MGAT4C: variants seen among roughly 807,000 people sequenced by gnomAD.
MGAT4C encodes alpha-1,3-mannosyl-glycoprotein 4-beta-N-acetylglucosaminyltransferase C.
MGAT4C carries 19 observed loss-of-function variants against 40.1 expected under a neutral mutation model. That is an observed-to-expected ratio of 0.47 (90% CI 0.33 to 0.70). MGAT4C has a LOEUF of 0.70. Among genes scored for constraint, MGAT4C ranks in the 30% least tolerant of loss-of-function variants. The pLI, the probability that MGAT4C is intolerant of heterozygous loss-of-function variation, is 0.02. For missense variants in MGAT4C, 491 were observed against 563.2 expected (o/e 0.87, Z 1.30); for synonymous variants, 181 against 187.1 (o/e 0.97, Z 0.27).
chr12:86,810,490 A>T (rs2136215206), intron 1 of MGAT4C, among the ~76,000 whole-genome samples: 1 of 152,004 alleles, frequency 6.6e-6, no homozygotes, highest in South Asian at 2.1e-4. Flanking sequence ...TTATTTTTCA[A>T]GTTGAGGTAA....
chr12:86,463,157 G>A (rs1957627610), intron 2 of MGAT4C, among the ~76,000 whole-genome samples: 1 of 152,052 alleles, frequency 6.6e-6, no homozygotes, highest in African/African-American at 2.4e-5. Context: ...ATGGATAGCT[G>A]AGAATAAATT....
chr12:86,217,241 C>A (rs1950707195), intron 1 of MGAT4C, among the ~76,000 whole-genome samples: 2 of 152,156 alleles, frequency 1.3e-5, no homozygotes, highest in Non-Finnish European at 2.9e-5. Context: ...GTGGCACAAT[C>A]TCAGCTCACT....
intron 1 of MGAT4C, among the ~76,000 whole-genome samples, chr12:86,075,126 G>A (rs536508895): frequency 6.9e-4 from 105 of 152,258 alleles, no homozygotes; most frequent in Middle Eastern, 6.8e-3. Context: ...TTCCACCTAT[G>A]AGCCTGTAAT....
At chr12:86,816,472 C>G (rs1216343877) in intron 1 of MGAT4C, among the ~76,000 whole-genome samples, 4 of 151,466 alleles carry the variant, frequency 2.6e-5, no homozygotes, top group Non-Finnish European at 5.9e-5. Flanking sequence ...AATTTTTAAT[C>G]TTTGAAAATG....
intron 4 of MGAT4C, among the ~76,000 whole-genome samples, chr12:86,306,756 G>A (rs1953942556): frequency 6.6e-6 from 1 of 150,392 alleles, no homozygotes; most frequent in African/African-American, 2.5e-5. Flanking sequence ...ACATGCTAAG[G>A]TATGTAGGGG....
At chr12:86,692,626 C>G (rs1423925073) in intron 2 of MGAT4C, among the ~76,000 whole-genome samples, 1 of 152,026 alleles carries the variant, frequency 6.6e-6, no homozygotes, top group African/African-American at 2.4e-5. Context: ...TGAAGAAGAA[C>G]AAAATGAGAT....
At chr12:86,509,799 A>C (rs1004711522) in intron 2 of MGAT4C, among the ~76,000 whole-genome samples, 2 of 152,076 alleles carry the variant, frequency 1.3e-5, no homozygotes, top group Non-Finnish European at 2.9e-5. Context: ...TTGGATTCCT[A>C]GGTATTTTAT....
At chr12:86,015,105 G>A (rs1178899052) in intron 2 of MGAT4C, among the ~76,000 whole-genome samples, 2 of 150,834 alleles carry the variant, frequency 1.3e-5, no homozygotes, top group Non-Finnish European at 3.0e-5. Context: ...CACCACACCC[G>A]GCCTCTGTGT....
Position 86,015,255 on chromosome 12 carries a change from G to A in MGAT4C, c.-6-25703C>T, listed in dbSNP as rs543170383. Among the ~76,000 whole-genome samples, 16 of 150,960 alleles carry A rather than the reference G, an allele frequency of 1.1e-4. No individual in the cohort carries two copies. The South Asian group carries it at 3.4e-3, about 32-fold the overall frequency. Reference sequence around the variant, plus strand: ...TTTCCGCAATTACTTTTGCACCAATGTGTGTGTGTTTTCCGCTAGGAAATG... The same window carrying A: ...TTTCCGCAATTACTTTTGCACCAATATGTGTGTGTTTTCCGCTAGGAAATG... On this transcript the variant is annotated intron_variant, in intron 2 of 4. Coordinates refer to ENST00000611864, the MANE Select transcript of MGAT4C (RefSeq NM_001351288.2).
chr12:86,120,763 G>A (rs1879249061), intron 1 of MGAT4C, among the ~76,000 whole-genome samples: 1 of 152,090 alleles, frequency 6.6e-6, no homozygotes, highest in Non-Finnish European at 1.5e-5. Flanking sequence ...AAAGACCAAA[G>A]GTAGATAAAA....
At chr12:86,281,916 TTCA>T (rs1202785685) in intron 4 of MGAT4C, among the ~76,000 whole-genome samples, 1 of 152,164 alleles carries the variant, frequency 6.6e-6, no homozygotes, top group African/African-American at 2.4e-5. Flanking sequence ...CTTTAGTGAC[TTCA>T]TTTTATTGTT....
Position 86,192,169 on chromosome 12 carries a change from C to T in MGAT4C, c.-57+64070G>A, listed in dbSNP as rs111267426. On this transcript the variant is annotated intron_variant, in intron 1 of 4. Coordinates refer to ENST00000611864, the MANE Select transcript of MGAT4C (RefSeq NM_001351288.2). ...ATGACAAGTTAATGGGTGCAGCACACCAACATGGCACATGTATACATATGT... is the reference window on the plus strand; with the variant it reads ...ATGACAAGTTAATGGGTGCAGCACATCAACATGGCACATGTATACATATGT... Among the ~76,000 whole-genome samples, 500 of 151,440 alleles carry T rather than the reference C, an allele frequency of 3.3e-3. 2 individuals carry two copies. The highest frequency in any genetic ancestry group is 0.012 in the African/African-American group (488 of 41,346).
At chr12:86,723,246 T>C (rs1950766262) in intron 2 of MGAT4C, among the ~76,000 whole-genome samples, 1 of 152,182 alleles carries the variant, frequency 6.6e-6, no homozygotes, top group Non-Finnish European at 1.5e-5. Flanking sequence ...ATAAATTCCC[T>C]AAGCCACTGT....
chr12:86,705,802 T>A (rs1015055320), intron 2 of MGAT4C, among the ~76,000 whole-genome samples: 15 of 152,150 alleles, frequency 9.9e-5, no homozygotes, highest in Admixed American at 9.8e-4. Context: ...CGGGAGTTTT[T>A]AAGATCATAC....
intron 2 of MGAT4C, among the ~76,000 whole-genome samples, chr12:86,503,776 A>ATATATATATAT (rs368549139): frequency 1.0e-3 from 21 of 20,640 alleles, no homozygotes; most frequent in South Asian, 3.0e-3. Flanking sequence ...ATATATATAT[A>ATATATATATAT]GAGTTCTGCT....
At chr12:86,161,429 G>T (rs1885576425) in intron 1 of MGAT4C, among the ~76,000 whole-genome samples, 1 of 152,130 alleles carries the variant, frequency 6.6e-6, no homozygotes. Flanking sequence ...TGCAATAAAT[G>T]GTGCTGGGAT....
At position 86,218,645 on chromosome 12, in the gene MGAT4C, A is replaced by G. The variant is rs58591163; in HGVS notation, c.-57+37594T>C. Among the ~76,000 whole-genome samples, 498 of 152,214 alleles carry G rather than the reference A, an allele frequency of 3.3e-3. 2 individuals carry two copies. Among genetic ancestry groups the G allele is most frequent in the African/African-American group, 0.012 (485 of 41,530 alleles). On this transcript the variant is annotated intron_variant, in intron 1 of 4. Coordinates refer to ENST00000611864, the MANE Select transcript of MGAT4C (RefSeq NM_001351288.2). ...ATTTAACTGAGTAAGAATTCCCAGA[A>G]CTCTAATAAAACAACTGAATGTTTT... is the stretch of plus-strand genomic sequence containing the variant.
At chr12:86,164,031 ATAGT>A (rs1431731722) in intron 1 of MGAT4C, among the ~76,000 whole-genome samples, 5 of 152,224 alleles carry the variant, frequency 3.3e-5, no homozygotes, top group African/African-American at 4.8e-5. Context: ...GTTTTAAATG[ATAGT>A]TAGAATTAAA....
At chr12:86,210,592 A>C (rs1432842060) in intron 1 of MGAT4C, among the ~76,000 whole-genome samples, 1 of 152,218 alleles carries the variant, frequency 6.6e-6, no homozygotes, top group African/African-American at 2.4e-5. Context: ...GTTATCTAGA[A>C]GCACTTATGA....
Sources: gnomAD v4.1 joint callset for allele counts (sites outside exome capture counted in the v4.1 genomes callset) on GRCh38, gnomAD v4.1.1 for gene constraint, MANE v1.5 for transcripts, NCBI Gene and HGNC (gene_info 2026-07-23, HGNC 2026-07-21) for gene names.